Variants in ARHGEF3 observed in about 807,000 individuals in gnomAD.
ARHGEF3 encodes the protein Rho guanine nucleotide exchange factor 3, also known as 59.8 kDA protein.
ARHGEF3 carries 28 observed loss-of-function variants against 63.2 expected under a neutral mutation model. The observed-to-expected ratio is 0.44, with a 90% CI of 0.33 to 0.61. ARHGEF3 has a LOEUF of 0.61. Among genes scored for constraint, ARHGEF3 ranks in the 20% least tolerant of loss-of-function variants. The probability of loss-of-function intolerance (pLI) is 0.03; values close to 1 mark genes in which losing one functional copy is unlikely to be tolerated. For missense variants in ARHGEF3, 533 were observed against 659.3 expected (o/e 0.81, Z 2.10); for synonymous variants, 266 against 254.2 (o/e 1.05, Z -0.44).
At chr3:57,028,971 A>G (rs1703604893) in intron 2 of ARHGEF3, among the ~76,000 whole-genome samples, 2 of 146,226 alleles carry the variant, frequency 1.4e-5, no homozygotes, top group South Asian at 2.2e-4. Flanking sequence ...AAGGGCAGAT[A>G]ATGGTGAAGA....
chr3:56,776,541 T>A (rs983040056), intron 1 of ARHGEF3, among the ~76,000 whole-genome samples: 1 of 152,188 alleles, frequency 6.6e-6, no homozygotes, highest in Non-Finnish European at 1.5e-5. Flanking sequence ...ATTATGGTGT[T>A]CTCCTTGAGG....
rs1019988802 is a variant in ARHGEF3, at chr3:56,766,790, A to T, written c.204+6919T>A. Reference sequence around the variant, plus strand: ...CAAAACTGACACACATCAAGAACAGAAGCCTTGCCGTATCAACGGCCTTTA... The same window carrying T: ...CAAAACTGACACACATCAAGAACAGTAGCCTTGCCGTATCAACGGCCTTTA... On this transcript the variant is annotated intron_variant, in intron 2 of 9. Coordinates refer to ENST00000296315, the MANE Select transcript of ARHGEF3 (RefSeq NM_019555.3). Among the ~76,000 whole-genome samples, 5 of 151,962 alleles carry T rather than the reference A, an allele frequency of 3.3e-5. No homozygotes were observed. In the South Asian group the frequency reaches 6.2e-4, roughly 19 times the overall value.
intron 1 of ARHGEF3, chr3:56,775,046 C>T: frequency 6.4e-7 from 1 of 1,551,278 alleles, no homozygotes; most frequent in East Asian, 2.4e-5. Flanking sequence ...TGCTAGACAG[C>T]ACATGAAGAT....
At chr3:56,801,957 G>A (rs752818452), upstream of ARHGEF3, 3 of 1,531,144 alleles carry the variant, frequency 2.0e-6, no homozygotes, top group Non-Finnish European at 2.6e-6. Flanking sequence ...ACTGGGCTCC[G>A]GAGCCGAGTG....
chr3:57,065,499 T>C (rs1705478978), intron 1 of ARHGEF3, among the ~76,000 whole-genome samples: 1 of 152,054 alleles, frequency 6.6e-6, no homozygotes, highest in Non-Finnish European at 1.5e-5. Flanking sequence ...AAAGAAAAAC[T>C]GTATTTTAGG....
chr3:56,736,722 A>G (rs1460374244), intron 8 of ARHGEF3, among the ~76,000 whole-genome samples: 1 of 152,216 alleles, frequency 6.6e-6, no homozygotes, highest in Non-Finnish European at 1.5e-5. Context: ...TAACATTACA[A>G]AATATGAATG....
chr3:57,051,860 A>G (rs533122081), intron 1 of ARHGEF3, among the ~76,000 whole-genome samples: 2 of 152,242 alleles, frequency 1.3e-5, no homozygotes, highest in Middle Eastern at 3.4e-3. Context: ...GCTACTTGGG[A>G]GGCTGAGACA....
chr3:56,822,846 T>G (rs2108044557), intron 4 of ARHGEF3, among the ~76,000 whole-genome samples: 2 of 42,362 alleles, frequency 4.7e-5, no homozygotes, highest in South Asian at 2.1e-3. Context: ...AGAGTAAGAC[T>G]CTGAAAAAAA....
At chr3:56,837,087 T>G (rs2039138702) in intron 4 of ARHGEF3, among the ~76,000 whole-genome samples, 1 of 152,240 alleles carries the variant, frequency 6.6e-6, no homozygotes, top group Non-Finnish European at 1.5e-5. Context: ...AAAGTACACT[T>G]TATTTGATAA....
chr3:56,731,100 C>T (rs2033122123), intron 9 of ARHGEF3, among the ~76,000 whole-genome samples: 1 of 152,202 alleles, frequency 6.6e-6, no homozygotes, highest in Admixed American at 6.5e-5. Context: ...GCTCTTATTT[C>T]TACTACTCCT....
intron 1 of ARHGEF3, chr3:57,074,559 T>A: frequency 2.7e-6 from 1 of 369,934 alleles, no homozygotes; most frequent in East Asian, 4.8e-5. Context: ...TGACATCAAT[T>A]GATCAATCAA....
At chr3:57,011,759 A>G (rs961714629) in intron 2 of ARHGEF3, among the ~76,000 whole-genome samples, 8 of 152,320 alleles carry the variant, frequency 5.3e-5, no homozygotes, top group Admixed American at 5.2e-4. Context: ...ACAAGGAGAT[A>G]ATCACTCCCA....
At chr3:56,968,259 T>TA (rs1560094458) in intron 2 of ARHGEF3, among the ~76,000 whole-genome samples, 1 of 35,828 alleles carries the variant, frequency 2.8e-5, no homozygotes, top group Non-Finnish European at 5.8e-5. Flanking sequence ...TATATAATAT[T>TA]TAAATATATA....
intron 2 of ARHGEF3, among the ~76,000 whole-genome samples, chr3:56,971,191 C>T (rs1700895341): frequency 6.6e-6 from 1 of 152,092 alleles, no homozygotes; most frequent in Admixed American, 6.5e-5. Flanking sequence ...GGCTTCCATA[C>T]ACGATGAAAG....
chr3:56,900,133 A>G (rs1025088962), intron 3 of ARHGEF3, among the ~76,000 whole-genome samples: 2 of 151,988 alleles, frequency 1.3e-5, no homozygotes, highest in Non-Finnish European at 2.9e-5. Context: ...CCACCTCCCA[A>G]CTCCCTTTGT....
Position 56,801,809 on chromosome 3 carries a change from G to A in ARHGEF3, c.-11C>T, listed in dbSNP as rs28372747. 431 of 1,556,076 alleles carry A rather than the reference G, an allele frequency of 2.8e-4. 1 individual carries two copies. The East Asian group carries it at 3.6e-3, about 13-fold the overall frequency. On this transcript the variant is annotated 5_prime_UTR_variant, in exon 1 of 10. Coordinates refer to ENST00000296315, the MANE Select transcript of ARHGEF3 (RefSeq NM_019555.3). Reference sequence around the variant, plus strand: ...ATCCTTGGCCACCATGGCGGCTGCCGGGCCTGCCCTTTGGGATGTCACCGC... The same window carrying A: ...ATCCTTGGCCACCATGGCGGCTGCCAGGCCTGCCCTTTGGGATGTCACCGC...
chr3:56,751,996 A>G (rs1255926877), intron 4 of ARHGEF3, among the ~76,000 whole-genome samples: 1 of 152,234 alleles, frequency 6.6e-6, no homozygotes, highest in Non-Finnish European at 1.5e-5. Flanking sequence ...AATGGGGAAG[A>G]TAAGAAAAAC....
chr3:56,986,108 G>C (rs992842189), intron 2 of ARHGEF3, among the ~76,000 whole-genome samples: 1 of 152,204 alleles, frequency 6.6e-6, no homozygotes, highest in Non-Finnish European at 1.5e-5. Flanking sequence ...GTCTAGGAGG[G>C]ATGCATGAAT....
At chr3:57,014,164 C>G (rs1405005141) in intron 2 of ARHGEF3, among the ~76,000 whole-genome samples, 1 of 152,142 alleles carries the variant, frequency 6.6e-6, no homozygotes, top group Non-Finnish European at 1.5e-5. Flanking sequence ...CAGCTTCACT[C>G]TTGAAGCCAG....
Sources: gnomAD v4.1 joint callset for allele counts (sites outside exome capture counted in the v4.1 genomes callset) on GRCh38, gnomAD v4.1.1 for gene constraint, MANE v1.5 for transcripts, NCBI Gene and HGNC (gene_info 2026-07-23, HGNC 2026-07-21) for gene names.